FHAD1: variants seen among roughly 807,000 people sequenced by gnomAD.
FHAD1 encodes the protein forkhead associated phosphopeptide binding domain 1, also known as forkhead-associated domain-containing protein 1.
FHAD1 carries 146 observed loss-of-function variants against 191.3 expected under a neutral mutation model. The ratio of observed to expected loss-of-function variants is 0.76; its 90% confidence interval spans 0.67 to 0.88. FHAD1 has a LOEUF of 0.88. FHAD1 is among the 40% of genes least tolerant of loss of function. The pLI, the probability that FHAD1 is intolerant of heterozygous loss-of-function variation, is 0.00. For synonymous variants in FHAD1, 616 were observed against 672.3 expected, an observed-to-expected ratio of 0.92 and a Z score of 1.29; for missense variants, 1,635 against 1,785.8, an observed-to-expected ratio of 0.92 and a Z score of 1.52.
At chr1:15,295,723 GGGGCCAGCT>G (rs1438446899) in intron 4 of FHAD1, among the ~76,000 whole-genome samples, 1 of 152,144 alleles carries the variant, frequency 6.6e-6, no homozygotes, top group Non-Finnish European at 1.5e-5. Context: ...ACACATATGG[GGGGCCAGCT>G]GTATCTATTT....
intron 31 of FHAD1, chr1:15,383,710 C>T (rs537323870): frequency 2.4e-4 from 73 of 302,150 alleles, no homozygotes; most frequent in Non-Finnish European, 4.1e-4. Context: ...TGACCGTCTC[C>T]AGGCCAGGGA....
At chr1:15,323,800 T>G (rs1677210759) in intron 10 of FHAD1, among the ~76,000 whole-genome samples, 1 of 152,172 alleles carries the variant, frequency 6.6e-6, no homozygotes, top group Admixed American at 6.5e-5. Flanking sequence ...TGGGCAAGTT[T>G]CCCCACTTTA....
chr1:15,351,781 A>G lies in FHAD1; in HGVS notation c.2455-1096A>G, dbSNP rs190787190. On this transcript the variant is annotated intron_variant, in intron 19 of 33. Transcript: ENST00000688493. ...ACAGATTGGACCATCTTAAGCAAAGACTCAACAGTGAGAAAAAGCCAGGTC... is the reference window on the plus strand; with the variant it reads ...ACAGATTGGACCATCTTAAGCAAAGGCTCAACAGTGAGAAAAAGCCAGGTC... Among the ~76,000 whole-genome samples the G allele has an allele frequency of 1.7e-3, 246 of 148,934 alleles. 3 individuals carry two copies. The highest frequency in any genetic ancestry group is 5.6e-4 in the Non-Finnish European group (38 of 67,680).
intron 2 of FHAD1, among the ~76,000 whole-genome samples, chr1:15,264,746 A>C (rs547105865): frequency 1.1e-3 from 161 of 152,270 alleles, no homozygotes; most frequent in Non-Finnish European, 1.6e-3. Flanking sequence ...TCTTTATCTC[A>C]TTCCTGGTCT....
chr1:15,294,042 C>T (rs995140366), intron 4 of FHAD1, among the ~76,000 whole-genome samples: 3 of 152,132 alleles, frequency 2.0e-5, no homozygotes, highest in African/African-American at 7.2e-5. Flanking sequence ...AAACTTCCAC[C>T]GTGTTTCCCT....
At chr1:15,377,630 G>A (rs966772080) in intron 28 of FHAD1, among the ~76,000 whole-genome samples, 3 of 151,906 alleles carry the variant, frequency 2.0e-5, no homozygotes, top group Non-Finnish European at 4.4e-5. Context: ...TTTGAGCTCA[G>A]GAGTTCGAGA....
chr1:15,359,028 A>G (rs896474530), intron 21 of FHAD1, among the ~76,000 whole-genome samples: 6 of 152,100 alleles, frequency 3.9e-5, no homozygotes, highest in African/African-American at 1.4e-4. Context: ...GGACGTGAGC[A>G]CCAAGGAGAG....
At chr1:15,263,608 G>A (rs975545210) in intron 2 of FHAD1, among the ~76,000 whole-genome samples, 2 of 137,634 alleles carry the variant, frequency 1.5e-5, no homozygotes, top group East Asian at 2.3e-4. Flanking sequence ...TGCAAGCTCC[G>A]CCTCACGGGT....
intron 1 of FHAD1, among the ~76,000 whole-genome samples, chr1:15,249,617 A>G (rs954460862): frequency 2.0e-5 from 3 of 152,142 alleles, no homozygotes; most frequent in African/African-American, 4.8e-5. Flanking sequence ...ACAAACATAA[A>G]CTATCTGGCT....
In FHAD1 at chr1:15,329,588, C is replaced by A; in HGVS notation, c.1906+47C>A. 6.6e-7 allele frequency: 1 copy of A among 1,507,726 alleles called. No homozygotes were observed. The highest frequency in any genetic ancestry group is 1.2e-5 in the South Asian group (1 of 83,056). 93.4% of individuals were successfully genotyped at this position (1,507,726 alleles called of 1,614,324 possible). On this transcript the variant is annotated intron_variant, in intron 14 of 33. Coordinates refer to ENST00000688493, the MANE Select transcript of FHAD1 (RefSeq NM_001391957.1). The surrounding 1 kb of genome is among the most constrained non-coding windows in gnomAD (Gnocchi z 5.0). ...ACATGGTTGCATGACTCTAAAATGT[C>A]GCGTTGAATCTCAGCATGATGGGAC... is the stretch of plus-strand genomic sequence containing the variant.
intron 7 of FHAD1, among the ~76,000 whole-genome samples, chr1:15,310,312 C>T (rs955595153): frequency 2.0e-5 from 3 of 152,172 alleles, no homozygotes; most frequent in Non-Finnish European, 4.4e-5. Flanking sequence ...CTCTGCAGTC[C>T]CCCTCCCCAC....
At chr1:15,371,275 CTG>C (rs1698010053) in intron 26 of FHAD1, among the ~76,000 whole-genome samples, 2 of 152,186 alleles carry the variant, frequency 1.3e-5, no homozygotes, top group African/African-American at 2.4e-5. Context: ...CCCTTGGACT[CTG>C]TGCACGTCTG....
At chr1:15,295,584 G>A (rs1160895942) in intron 4 of FHAD1, among the ~76,000 whole-genome samples, 1 of 152,064 alleles carries the variant, frequency 6.6e-6, no homozygotes, top group Non-Finnish European at 1.5e-5. Flanking sequence ...CTCTAGCCTG[G>A]GTGACAGAGC....
chr1:15,341,985 A>G, intron 16 of FHAD1, 97 bp downstream of exon 16: 1 of 1,026,634 alleles, frequency 9.7e-7, no homozygotes, highest in Non-Finnish European at 1.4e-6. Context: ...GAGAAATCTC[A>G]GCTACTCTGT....
chr1:15,298,787 A>G (rs1667715378), intron 5 of FHAD1, among the ~76,000 whole-genome samples: 1 of 152,166 alleles, frequency 6.6e-6, no homozygotes. Flanking sequence ...GGATCCAACC[A>G]CGTTTCTAAA....
At chr1:15,341,961 C>A in intron 16 of FHAD1, 73 bp downstream of exon 16, 4 of 1,385,672 alleles carry the variant, frequency 2.9e-6, no homozygotes, top group South Asian at 1.4e-5. Context: ...AAATTGAGGG[C>A]ATGTACTTAG....
chr1:15,366,722 C>T (rs1380553989), intron 24 of FHAD1, among the ~76,000 whole-genome samples: 1 of 152,180 alleles, frequency 6.6e-6, no homozygotes, highest in African/African-American at 2.4e-5. Context: ...TGAGTGGCCC[C>T]TAGAGTAGGG....
rs1651226836 is a variant in FHAD1, at chr1:15,261,873, C to G, written c.93+9996C>G. Among the ~76,000 whole-genome samples the G allele has an allele frequency of 2.0e-5, 3 of 152,160 alleles. No individual in the cohort carries two copies. In the South Asian group the frequency reaches 6.2e-4, roughly 32 times the overall value. On this transcript the variant is annotated intron_variant, in intron 2 of 33. Coordinates refer to ENST00000688493, the MANE Select transcript of FHAD1 (RefSeq NM_001391957.1). Reference sequence around the variant, plus strand: ...AATATGATTTGATACACACAGGTGCCTGTCGTCCCAGGCACTTGGGTGGCT... The same window carrying G: ...AATATGATTTGATACACACAGGTGCGTGTCGTCCCAGGCACTTGGGTGGCT...
intron 14 of FHAD1, among the ~76,000 whole-genome samples, chr1:15,337,508 A>G (rs1316790970): frequency 1.3e-5 from 2 of 152,122 alleles, no homozygotes; most frequent in African/African-American, 4.8e-5. Context: ...AGCTTATCAC[A>G]GGCAACATCC....
Sources: allele counts gnomAD v4.1 joint callset (sites outside exome capture counted in the v4.1 genomes callset), GRCh38; gene constraint gnomAD v4.1.1; non-coding constraint Gnocchi (gnomAD v3.1); transcripts MANE v1.5; gene names NCBI Gene and HGNC (gene_info 2026-07-23, HGNC 2026-07-21).